Variants in PIK3CB observed in about 807,000 individuals in gnomAD.
PIK3CB encodes the protein phosphatidylinositol-4,5-bisphosphate 3-kinase catalytic subunit beta, also known as phosphatidylinositol 4,5-bisphosphate 3-kinase catalytic subunit beta isoform.
In PIK3CB, 39 loss-of-function variants were observed where a neutral mutation model predicts 136.8. The observed-to-expected ratio is 0.29, with a 90% CI of 0.22 to 0.37. PIK3CB has a LOEUF of 0.37. Ranked by LOEUF, PIK3CB falls within the 10% of genes least tolerant of loss-of-function variation. The pLI, the probability that PIK3CB is intolerant of heterozygous loss-of-function variation, is 1.00. For synonymous variants in PIK3CB, 428 were observed against 436.6 expected (o/e 0.98, Z 0.25); for missense variants, 868 against 1,275.4 (o/e 0.68, Z 4.87).
rs185261191 is a variant in PIK3CB, at chr3:138,755,506, A to G, written c.397+248T>C. Among the ~76,000 whole-genome samples the G allele has an allele frequency of 1.0e-2, 1,521 of 152,250 alleles. 15 individuals carry two copies. Among genetic ancestry groups the G allele is most frequent in the Non-Finnish European group, 0.015 (1,042 of 68,020 alleles). On this transcript the variant is annotated intron_variant, in intron 4 of 23. Coordinates refer to ENST00000674063, the MANE Select transcript of PIK3CB (RefSeq NM_006219.3). ...TTAAAAATTAAATAAATAATAAATC[A>G]TTAGACAACAAAAACATATACTAAA...
At chr3:138,748,460 CATAA>C (rs1181652766) in intron 4 of PIK3CB, among the ~76,000 whole-genome samples, 1 of 152,154 alleles carries the variant, frequency 6.6e-6, no homozygotes, top group East Asian at 1.9e-4. Context: ...GCAACCTCTG[CATAA>C]ATAGTCTCTG....
intron 8 of PIK3CB, among the ~76,000 whole-genome samples, chr3:138,723,579 C>A (rs541867502): frequency 6.6e-6 from 1 of 151,994 alleles, no homozygotes; most frequent in Non-Finnish European, 1.5e-5. Context: ...ATGCTTTATA[C>A]GGTTACATGT....
intron 6 of PIK3CB, among the ~76,000 whole-genome samples, chr3:138,737,353 C>G (rs1486084669): frequency 1.5e-5 from 2 of 135,574 alleles, no homozygotes; most frequent in Non-Finnish European, 3.0e-5. Flanking sequence ...AGACTGCATG[C>G]CACTGCACTC....
intron 1 of PIK3CB, among the ~76,000 whole-genome samples, chr3:138,830,571 C>T (rs1394372544): frequency 2.0e-5 from 3 of 151,178 alleles, no homozygotes; most frequent in African/African-American, 4.9e-5. Flanking sequence ...CAAAACAAAA[C>T]AAAAAATCAA....
chr3:138,738,106 G>C (rs1457214714), intron 5 of PIK3CB, among the ~76,000 whole-genome samples: 2 of 151,980 alleles, frequency 1.3e-5, no homozygotes, highest in South Asian at 2.1e-4. Flanking sequence ...TATTCATAGT[G>C]CACAGCTTCC....
At chr3:138,734,581 T>C in intron 7 of PIK3CB, 53 bp downstream of exon 7, 1 of 1,350,728 alleles carries the variant, frequency 7.4e-7, no homozygotes. Flanking sequence ...TTATGTAAAC[T>C]AACACAATCA....
chr3:138,660,550 G>T (rs2108403102), intron 21 of PIK3CB, among the ~76,000 whole-genome samples: 1 of 152,274 alleles, frequency 6.6e-6, no homozygotes, highest in Admixed American at 6.5e-5. Flanking sequence ...AGAGTAGAAT[G>T]GTGGCTGCAG....
chr3:138,819,046 G>A (rs1933450434), intron 1 of PIK3CB, among the ~76,000 whole-genome samples: 1 of 152,068 alleles, frequency 6.6e-6, no homozygotes, highest in Non-Finnish European at 1.5e-5. Flanking sequence ...ATATTGTCTT[G>A]GTGATTAAAC....
At chr3:138,797,823 C>CCT (rs911472306) in intron 1 of PIK3CB, among the ~76,000 whole-genome samples, 6 of 152,138 alleles carry the variant, frequency 3.9e-5, no homozygotes, top group African/African-American at 9.6e-5. Flanking sequence ...GGAGTGGAGA[C>CCT]ATGTGCCTGT....
intron 7 of PIK3CB, among the ~76,000 whole-genome samples, chr3:138,734,103 C>T (rs2045050116): frequency 6.6e-6 from 1 of 151,970 alleles, no homozygotes; most frequent in South Asian, 2.1e-4. Context: ...GACTGAGTAA[C>T]TGACTAAAAA....
Position 138,689,001 on chromosome 3 carries a change from AGTTT to A in PIK3CB, c.2037-31_2037-28del, listed in dbSNP as rs764026323. The A allele has an allele frequency of 5.0e-6, 7 of 1,391,586 alleles. No homozygotes were observed. The East Asian group carries it at 6.9e-5, about 14-fold the overall frequency. The allele number at this position is 1,391,586 out of a possible 1,614,324, so 86.2% of individuals were successfully genotyped here. A position where few individuals can be genotyped will look rare whatever the true frequency, so the allele number is the denominator to read the frequency against. On this transcript the variant is annotated intron_variant, in intron 15 of 23. Coordinates refer to ENST00000674063, the MANE Select transcript of PIK3CB (RefSeq NM_006219.3). Reference sequence around the variant, plus strand: ...TGCAGAAAGTTAATGATATCTGAACAGTTTGTTTATCAAACACTTCAGATCACCG... The same window carrying A: ...TGCAGAAAGTTAATGATATCTGAACAGTTTATCAAACACTTCAGATCACCG...
At position 138,714,681 on chromosome 3, in the gene PIK3CB, G is replaced by A; in HGVS notation, c.1089C>T (p.Leu363=). The change falls in exon 9 of 24, where the codon CTC becomes CTT. Residue 363 remains leucine (L), a synonymous_variant. Coordinates refer to ENST00000674063, the MANE Select transcript of PIK3CB (RefSeq NM_006219.3). ...CTGAGCTTACGATGGTTTTACACAG[G>A]AGCTCAGTACCATGAAAAAGACCAG... is the stretch of plus-strand genomic sequence containing the variant. ...VRAGLFHGTE[L]LCKTIVSSEV... 1 of 1,613,070 alleles carries A rather than the reference G, an allele frequency of 6.2e-7. No individual in the cohort carries two copies. The highest frequency in any genetic ancestry group is 8.5e-7 in the Non-Finnish European group (1 of 1,179,314).
intron 2 of PIK3CB, among the ~76,000 whole-genome samples, chr3:138,781,193 G>T (rs986252254): frequency 6.6e-6 from 1 of 151,936 alleles, no homozygotes; most frequent in East Asian, 1.9e-4. Context: ...TCAGGATGTT[G>T]AGGTGAGAGA....
intron 2 of PIK3CB, among the ~76,000 whole-genome samples, chr3:138,790,862 C>G (rs1316638446): frequency 6.6e-6 from 1 of 150,656 alleles, no homozygotes; most frequent in East Asian, 2.0e-4. Flanking sequence ...ACTCAGGAGG[C>G]TGAGGCAGGA....
intron 2 of PIK3CB, among the ~76,000 whole-genome samples, chr3:138,767,843 A>G (rs1465376465): frequency 6.6e-6 from 1 of 152,198 alleles, no homozygotes; most frequent in East Asian, 1.9e-4. Context: ...CGGGGCCCCA[A>G]AGAGGAAGTC....
At chr3:138,790,251 C>T (rs2046032917) in intron 2 of PIK3CB, among the ~76,000 whole-genome samples, 1 of 151,944 alleles carries the variant, frequency 6.6e-6, no homozygotes, top group South Asian at 2.1e-4. Context: ...TGAAAAAGTT[C>T]TGGAGATGGA....
chr3:138,732,619 C>A (rs1344805997), intron 8 of PIK3CB, among the ~76,000 whole-genome samples: 1 of 151,712 alleles, frequency 6.6e-6, no homozygotes, highest in African/African-American at 2.4e-5. Flanking sequence ...GAGCAATAAA[C>A]CCCCATGTGT....
intron 1 of PIK3CB, among the ~76,000 whole-genome samples, chr3:138,828,149 T>C (rs1237036752): frequency 2.0e-5 from 3 of 151,804 alleles, no homozygotes; most frequent in Admixed American, 6.6e-5. Flanking sequence ...CTAATTTCAT[T>C]CCTACATTTA....
intron 21 of PIK3CB, among the ~76,000 whole-genome samples, chr3:138,660,392 AT>A (rs888534766): frequency 6.6e-6 from 1 of 152,114 alleles, no homozygotes; most frequent in Non-Finnish European, 1.5e-5. Context: ...GATACAATAT[AT>A]TTTTTTGCTT....
Sources: allele counts gnomAD v4.1 joint callset (sites outside exome capture counted in the v4.1 genomes callset), GRCh38; gene constraint gnomAD v4.1.1; transcripts MANE v1.5; gene names NCBI Gene and HGNC (gene_info 2026-07-23, HGNC 2026-07-21).